The following SMYD1 variants were observed in gnomAD, a reference collection of about 807,000 sequenced individuals.
SMYD1 encodes SET and MYND domain containing 1, also known as histone-lysine N-methyltransferase SMYD1.
A neutral mutation model predicts 54.0 loss-of-function variants in SMYD1; 49 were observed. The observed-to-expected ratio is 0.91, with a 90% CI of 0.72 to 1.15. The LOEUF is 1.15. SMYD1 is among the 50% of genes most tolerant of loss of function. The probability of loss-of-function intolerance (pLI) is 0.00; values close to 1 mark genes in which losing one functional copy is unlikely to be tolerated. For synonymous variants in SMYD1, 269 were observed against 234.2 expected (o/e 1.15, Z -1.36); for missense variants, 653 against 639.6 (o/e 1.02, Z -0.23).
chr2:88,108,599 T>C lies in SMYD1; in HGVS notation c.1314+60T>C, dbSNP rs114118976. The C allele has an allele frequency of 2.6e-3, 3,913 of 1,479,170 alleles. 10 individuals carry two copies. The highest frequency in any genetic ancestry group is 3.2e-3 in the Non-Finnish European group (3,533 of 1,108,424). 91.6% of individuals were successfully genotyped at this position (1,479,170 alleles called of 1,614,324 possible). Reference sequence around the variant, plus strand: ...GGCCTGAGCTTTCTGAGGATGGGAGTGTGAGTTCAGGTGGACTCTGCTTTA... The same window carrying C: ...GGCCTGAGCTTTCTGAGGATGGGAGCGTGAGTTCAGGTGGACTCTGCTTTA... On this transcript the variant is annotated intron_variant, in intron 9 of 9. Coordinates refer to ENST00000419482, the MANE Select transcript of SMYD1 (RefSeq NM_198274.4).
intron 1 of SMYD1, among the ~76,000 whole-genome samples, chr2:88,076,360 G>T (rs571184714): frequency 6.6e-6 from 1 of 152,196 alleles, no homozygotes; most frequent in Non-Finnish European, 1.5e-5. Flanking sequence ...GACTACAGGC[G>T]CCCGCCACCA....
rs562880508 is a variant in SMYD1, at chr2:88,112,850, T to C, written c.*2338T>C. 1 of 152,474 alleles carries C rather than the reference T, an allele frequency of 6.6e-6. No homozygotes were observed. The highest frequency in any genetic ancestry group is 2.4e-5 in the African/African-American group (1 of 41,574). 9.4% of individuals were successfully genotyped at this position (152,474 alleles called of 1,614,324 possible). ...TTTTTCTTTCCCTGCCCCTGACATATTGACATTTCCTGGAGTTGGTTTTGT... is the reference window on the plus strand; with the variant it reads ...TTTTTCTTTCCCTGCCCCTGACATACTGACATTTCCTGGAGTTGGTTTTGT... On this transcript the variant is annotated 3_prime_UTR_variant, in exon 10 of 10. Transcript: ENST00000419482.
In SMYD1 at chr2:88,108,456, G is replaced by T; in HGVS notation, c.1231G>T (p.Val411Leu). 1.9e-6 allele frequency: 3 copies of T among 1,613,060 alleles called. No individual in the cohort carries two copies. The highest frequency in any genetic ancestry group is 2.5e-6 in the Non-Finnish European group (3 of 1,179,584). Residue 411 changes from valine to leucine, a missense_variant, in exon 9 of 10, where the codon GTG becomes TTG. Coordinates refer to ENST00000419482, the MANE Select transcript of SMYD1 (RefSeq NM_198274.4). ...LTNWHAGNIE[V>L]GHGMICKAYA... Reference sequence around the variant, plus strand: ...CAACTGGCATGCTGGTAACATTGAGGTGGGGCACGGGATGATCTGCAAAGC... The same window carrying T: ...CAACTGGCATGCTGGTAACATTGAGTTGGGGCACGGGATGATCTGCAAAGC...
chr2:88,077,812 C>T (rs1184252957), intron 1 of SMYD1, among the ~76,000 whole-genome samples: 1 of 151,636 alleles, frequency 6.6e-6, no homozygotes, highest in East Asian at 1.9e-4. Flanking sequence ...CAAGCTCCGC[C>T]TCCCAGGTTC....
chr2:88,080,748 T>C (rs1674170643), intron 1 of SMYD1, among the ~76,000 whole-genome samples: 1 of 152,132 alleles, frequency 6.6e-6, no homozygotes, highest in Non-Finnish European at 1.5e-5. Context: ...GAGGTTAGCA[T>C]ACCAATATAA....
rs190570028 is a variant in SMYD1, at chr2:88,077,418, T to C, written c.138-6898T>C. Among the ~76,000 whole-genome samples the C allele has an allele frequency of 4.6e-5, 7 of 152,346 alleles. No individual in the cohort carries two copies. In the East Asian group the frequency reaches 1.4e-3, roughly 29 times the overall value. On this transcript the variant is annotated intron_variant, in intron 1 of 9. Transcript: ENST00000419482. ...CCGGCGTCAGGGACCCTTAAGAGAA[T>C]AATATCCCTGTGAGGATAATGATCT...
chr2:88,109,066 T>C (rs989124790), intron 9 of SMYD1, among the ~76,000 whole-genome samples: 10 of 152,178 alleles, frequency 6.6e-5, no homozygotes, highest in African/African-American at 2.4e-4. Flanking sequence ...CACATTTCAA[T>C]GTGAGATTTG....
rs1481581789 is a variant in SMYD1 at position 88,089,583 on chromosome 2, C to CTCTTTTTTT, written c.529-1428_529-1427insCTTTTTTTT. Among the ~76,000 whole-genome samples, 29 of 115,000 alleles carry CTCTTTTTTT rather than the reference C, an allele frequency of 2.5e-4. 3 individuals carry two copies. Among genetic ancestry groups the CTCTTTTTTT allele is most frequent in the African/African-American group, 4.4e-4 (12 of 27,178 alleles). The allele number at this position is 115,000 out of a possible 152,430, so 75.4% of individuals were successfully genotyped here. On this transcript the variant is annotated intron_variant, in intron 3 of 9. Transcript: ENST00000419482. ...TATTTTCAGGAGCCAGAGCTTCTAC[C>CTCTTTTTTT]TGTTTTTTTTTTTTTTTTTTTTTTT...
In SMYD1 at chr2:88,098,865, C is replaced by T. The variant is rs1426299153; in HGVS notation, c.888+2081C>T. On this transcript the variant is annotated intron_variant, in intron 6 of 9. Transcript: ENST00000419482. ...AATGCTGTACCCCACCCTGATAAGC[C>T]TCCATCAGTACACCAGCCTCAAACC... Among the ~76,000 whole-genome samples, 3 of 152,178 alleles carry T rather than the reference C, an allele frequency of 2.0e-5. No homozygotes were observed. The South Asian group carries it at 6.2e-4, about 32-fold the overall frequency.
chr2:88,106,559 C>A, intron 8 of SMYD1, 71 bp downstream of exon 8: 2 of 1,523,726 alleles, frequency 1.3e-6, no homozygotes, highest in South Asian at 1.2e-5. Flanking sequence ...AAATAGATGG[C>A]ACATTTACTG....
At chr2:88,084,259 T>G in intron 1 of SMYD1, 57 bp from the exon 2 acceptor site, 2 of 1,453,274 alleles carry the variant, frequency 1.4e-6, no homozygotes, top group Non-Finnish European at 1.9e-6. Context: ...TCCCACTGGC[T>G]GCAGGGTGCC....
intron 1 of SMYD1, among the ~76,000 whole-genome samples, chr2:88,081,300 C>A (rs1487002958): frequency 6.6e-6 from 1 of 152,104 alleles, no homozygotes; most frequent in Non-Finnish European, 1.5e-5. Context: ...TGTTGTATGT[C>A]AATCATACCT....
At chr2:88,092,894 T>C (rs1451774163) in intron 4 of SMYD1, among the ~76,000 whole-genome samples, 1 of 152,252 alleles carries the variant, frequency 6.6e-6, no homozygotes, top group South Asian at 2.1e-4. Flanking sequence ...CTTTCTTCTG[T>C]GTCTGCTCTG....
chr2:88,084,563 T>G, intron 2 of SMYD1, 71 bp downstream of exon 2: 1 of 1,444,928 alleles, frequency 6.9e-7, no homozygotes, highest in Non-Finnish European at 9.4e-7. Context: ...AGTAACAACA[T>G]TCCCAGATCT....
At chr2:88,091,671 AC>A (rs1400422368) in intron 4 of SMYD1, among the ~76,000 whole-genome samples, 1 of 152,102 alleles carries the variant, frequency 6.6e-6, no homozygotes. Flanking sequence ...ACACAGTGAT[AC>A]CCCCGTATCT....
rs779987062 is a variant in SMYD1, at chr2:88,093,529, G to A, written c.672G>A (p.Val224=). The change falls in exon 5 of 10, where the codon GTG becomes GTA. Residue 224 remains valine (V), a synonymous_variant. Coordinates refer to ENST00000419482, the MANE Select transcript of SMYD1 (RefSeq NM_198274.4). ...VIFNNGNHEA[V]KSMFHTQMRI... Reference sequence around the variant, plus strand: ...TTTTGTCTTTCAGTCATGAGGCAGTGAAATCCATGTTTCATACCCAGATGA... The same window carrying A: ...TTTTGTCTTTCAGTCATGAGGCAGTAAAATCCATGTTTCATACCCAGATGA... The A allele has an allele frequency of 1.7e-5, 28 of 1,613,950 alleles. No homozygotes were observed. The Admixed American group carries it at 3.5e-4, about 20-fold the overall frequency.
intron 1 of SMYD1, among the ~76,000 whole-genome samples, chr2:88,075,692 C>T (rs1275990430): frequency 6.6e-6 from 1 of 151,978 alleles, no homozygotes; most frequent in Non-Finnish European, 1.5e-5. Context: ...TGCCTGCCAC[C>T]ATGGCTGGCT....
chr2:88,070,942 C>CAAAAAAAA (rs61024525), intron 1 of SMYD1, among the ~76,000 whole-genome samples: 4 of 60,126 alleles, frequency 6.7e-5, no homozygotes, highest in Admixed American at 2.2e-4. Flanking sequence ...GACTATTTCT[C>CAAAAAAAA]AAAAAAAAAA....
chr2:88,097,477 GA>G (rs1014356169), intron 6 of SMYD1, among the ~76,000 whole-genome samples: 2 of 152,306 alleles, frequency 1.3e-5, no homozygotes, highest in African/African-American at 4.8e-5. Context: ...GTGTAAGCAA[GA>G]AGCTAAAACC....
Sources: allele counts gnomAD v4.1 joint callset (sites outside exome capture counted in the v4.1 genomes callset), GRCh38; gene constraint gnomAD v4.1.1; transcripts MANE v1.5; gene names NCBI Gene and HGNC (gene_info 2026-07-23, HGNC 2026-07-21).